GMDS: variants seen among roughly 807,000 people sequenced by gnomAD.
The protein encoded by GMDS is GDP-mannose 4,6-dehydratase, also known as GDP-mannose 4,6 dehydratase.
A neutral mutation model predicts 49.9 loss-of-function variants in GMDS; 20 were observed. The ratio of observed to expected loss-of-function variants is 0.40; its 90% CI spans 0.28 to 0.58. The LOEUF is 0.58. Ranked by LOEUF, GMDS falls within the 20% of genes least tolerant of loss-of-function variation. The pLI is 0.42. For missense variants in GMDS, 362 were observed against 481.4 expected (o/e 0.75, Z 2.32); for synonymous variants, 177 against 178.6 (o/e 0.99, Z 0.07).
chr6:1,627,473 G>A (rs1042988915), intron 9 of GMDS, among the ~76,000 whole-genome samples: 2 of 152,202 alleles, frequency 1.3e-5, no homozygotes, highest in Non-Finnish European at 2.9e-5. Context: ...ATACAGAACT[G>A]TGAGGAGTGA....
intron 4 of GMDS, among the ~76,000 whole-genome samples, chr6:2,033,900 A>G (rs935618690): frequency 1.6e-4 from 24 of 152,214 alleles, no homozygotes; most frequent in African/African-American, 5.8e-4. Context: ...ATATTCTGGA[A>G]TCAGATCCGA....
At chr6:1,965,380 G>A (rs1764205734) in intron 4 of GMDS, among the ~76,000 whole-genome samples, 1 of 152,192 alleles carries the variant, frequency 6.6e-6, no homozygotes, top group South Asian at 2.1e-4. Flanking sequence ...TTAAGCATAT[G>A]TGTTTGATAT....
rs1293233532 is a variant in GMDS at position 2,101,549 on chromosome 6, AAAG to A, written c.345+14219_345+14221del. On this transcript the variant is annotated intron_variant, in intron 4 of 10. Coordinates refer to ENST00000380815, the MANE Select transcript of GMDS (RefSeq NM_001500.4). Reference sequence around the variant, plus strand: ...CCAGTTAGAAACTGAGAGAAAGAGAAAAGAATCTCCCACGAAATGAGAGAAAGT... The same window carrying A: ...CCAGTTAGAAACTGAGAGAAAGAGAAAATCTCCCACGAAATGAGAGAAAGT... Among the ~76,000 whole-genome samples, 7 of 152,166 alleles carry A rather than the reference AAAG, an allele frequency of 4.6e-5. No homozygotes were observed. The South Asian group carries it at 8.3e-4, about 18-fold the overall frequency.
intron 4 of GMDS, among the ~76,000 whole-genome samples, chr6:2,076,791 C>T (rs1393153933): frequency 6.6e-6 from 1 of 152,146 alleles, no homozygotes; most frequent in Non-Finnish European, 1.5e-5. Flanking sequence ...AATGTTAGAC[C>T]TAAAGCCATA....
intron 9 of GMDS, among the ~76,000 whole-genome samples, chr6:1,695,846 G>C (rs1765317544): frequency 6.6e-6 from 1 of 151,156 alleles, no homozygotes; most frequent in South Asian, 2.1e-4. Flanking sequence ...GATGAAGCCT[G>C]TGGCTCCATG....
intron 4 of GMDS, among the ~76,000 whole-genome samples, chr6:2,016,087 T>TAA (rs375828300): frequency 0.63 from 85,376 of 134,468 alleles, 27,031 homozygotes; most frequent in Middle Eastern, 0.69. Context: ...AAAAATAAAT[T>TAA]AAAAAAAAAA....
At chr6:1,655,497 A>ACACACACACACG in intron 9 of GMDS, among the ~76,000 whole-genome samples, 1 of 9,798 alleles carries the variant, frequency 1.0e-4, no homozygotes, top group South Asian at 2.5e-3. Context: ...ACACACACAT[A>ACACACACACACG]CACACACACA....
At chr6:1,626,427 A>C (rs2113138897) in intron 9 of GMDS, among the ~76,000 whole-genome samples, 1 of 152,368 alleles carries the variant, frequency 6.6e-6, no homozygotes, top group African/African-American at 2.4e-5. Flanking sequence ...AAATAGCAAT[A>C]TAAGCAGAAA....
chr6:1,981,786 C>T (rs749233463), intron 4 of GMDS, among the ~76,000 whole-genome samples: 1 of 152,178 alleles, frequency 6.6e-6, no homozygotes, highest in Non-Finnish European at 1.5e-5. Flanking sequence ...CAAATACTGG[C>T]AAACCGAATC....
At chr6:2,076,194 C>T (rs1190836169) in intron 4 of GMDS, among the ~76,000 whole-genome samples, 1 of 152,088 alleles carries the variant, frequency 6.6e-6, no homozygotes, top group Non-Finnish European at 1.5e-5. Context: ...TTCTCCCATT[C>T]TGTAGGTTGC....
At chr6:2,116,690 T>A (rs536630268) in intron 3 of GMDS, among the ~76,000 whole-genome samples, 1 of 152,308 alleles carries the variant, frequency 6.6e-6, no homozygotes, top group Admixed American at 6.5e-5. Flanking sequence ...CAGGGGTGAA[T>A]ACAAAACCAC....
chr6:2,136,959 A>G (rs76702345), intron 1 of GMDS, among the ~76,000 whole-genome samples: 1 of 152,204 alleles, frequency 6.6e-6, no homozygotes, highest in East Asian at 1.9e-4. Flanking sequence ...AAGTATAAGC[A>G]TATCAGTTTC....
chr6:1,879,904 G>A (rs1018831426), intron 7 of GMDS, among the ~76,000 whole-genome samples: 5 of 152,010 alleles, frequency 3.3e-5, no homozygotes, highest in Non-Finnish European at 7.4e-5. Flanking sequence ...TAAGAGGCAC[G>A]ACCTACACTG....
chr6:2,196,827 AT>A (rs3837045), intron 1 of GMDS, among the ~76,000 whole-genome samples: 24,901 of 152,074 alleles, frequency 0.16, 4,750 homozygotes, highest in African/African-American at 0.46. Context: ...GGTGATCAAG[AT>A]TTTTATCAAA....
chr6:2,220,881 G>C (rs1209790543), intron 1 of GMDS, among the ~76,000 whole-genome samples: 1 of 152,168 alleles, frequency 6.6e-6, no homozygotes, highest in Non-Finnish European at 1.5e-5. Context: ...GGCCTTCTAA[G>C]AAGGGATGTA....
chr6:1,993,582 A>G (rs748526103), intron 4 of GMDS, among the ~76,000 whole-genome samples: 15 of 152,204 alleles, frequency 9.9e-5, no homozygotes, highest in Non-Finnish European at 2.9e-5. Context: ...AAAAAGTGCG[A>G]CGGAAGCTCT....
intron 4 of GMDS, among the ~76,000 whole-genome samples, chr6:2,099,600 ATAC>A (rs1216277467): frequency 1.4e-4 from 21 of 152,252 alleles, no homozygotes; most frequent in African/African-American, 4.3e-4. Context: ...AAATATTCAC[ATAC>A]TAATTTTCTC....
intron 1 of GMDS, among the ~76,000 whole-genome samples, chr6:2,162,691 C>A (rs1253995915): frequency 7.3e-6 from 1 of 136,938 alleles, no homozygotes; most frequent in Non-Finnish European, 1.5e-5. Context: ...CACACACACA[C>A]ACACACACAC....
At chr6:1,690,161 T>C (rs543063845) in intron 9 of GMDS, among the ~76,000 whole-genome samples, 2 of 152,308 alleles carry the variant, frequency 1.3e-5, no homozygotes, top group South Asian at 2.1e-4. Context: ...CATTTACATA[T>C]ACAAATAATT....
Sources: allele counts gnomAD v4.1 joint callset (sites outside exome capture counted in the v4.1 genomes callset), GRCh38; gene constraint gnomAD v4.1.1; transcripts MANE v1.5; gene names NCBI Gene and HGNC (gene_info 2026-07-23, HGNC 2026-07-21).